Variants in IKZF3 observed in about 807,000 individuals in gnomAD.
The protein encoded by IKZF3 is zinc finger protein Aiolos.
IKZF3 carries 10 observed loss-of-function variants against 49.0 expected under a neutral mutation model. That is an observed-to-expected ratio of 0.20 (90% CI 0.13 to 0.35). The LOEUF is 0.35. Among genes scored for constraint, IKZF3 ranks in the 10% least tolerant of loss-of-function variants. The pLI is 1.00. For synonymous variants in IKZF3, 209 were observed against 228.2 expected, an observed-to-expected ratio of 0.92 and a Z score of 0.76; for missense variants, 498 against 664.8, an observed-to-expected ratio of 0.75 and a Z score of 2.76.
chr17:39,835,250 G>A (rs1379082324), intron 1 of IKZF3: 10 of 541,456 alleles, frequency 1.8e-5, no homozygotes, highest in Non-Finnish European at 2.5e-5. Context: ...TGTAGGTGGC[G>A]ATCTCAATGT....
intron 7 of IKZF3, among the ~76,000 whole-genome samples, chr17:39,769,892 T>C (rs1478012193): frequency 6.6e-6 from 1 of 152,082 alleles, no homozygotes; most frequent in Non-Finnish European, 1.5e-5. Flanking sequence ...AACAGCTGAG[T>C]GCTAAAATTG....
At position 39,864,220 on chromosome 17, in the gene IKZF3, AG is replaced by A; in HGVS notation, c.-95del. The stretch of plus-strand genomic sequence containing the variant: ...CTGGACTCAGCGCGCAGCTGGCGGG[AG>A]ATTCCCGGCGCGGGGAGTCCCCGGG... On this transcript the variant is annotated 5_prime_UTR_variant, in exon 1 of 8. Transcript: ENST00000346872. 1 of 1,460,406 alleles carries A rather than the reference AG, an allele frequency of 6.8e-7. No individual in the cohort carries two copies. Among genetic ancestry groups the A allele is most frequent in the Non-Finnish European group, 9.3e-7 (1 of 1,077,922 alleles). 90.5% of individuals were successfully genotyped at this position (1,460,406 alleles called of 1,614,324 possible).
chr17:39,843,786 GAC>G (rs2062549746), intron 1 of IKZF3, among the ~76,000 whole-genome samples: 1 of 149,242 alleles, frequency 6.7e-6, no homozygotes. Flanking sequence ...CAGCCTGGGC[GAC>G]AGAGTGAGAC....
At chr17:39,791,887 C>CTTTTTTTT (rs1211244204) in intron 4 of IKZF3, among the ~76,000 whole-genome samples, 1 of 126,836 alleles carries the variant, frequency 7.9e-6, no homozygotes, top group African/African-American at 3.1e-5. Flanking sequence ...TTGGTACTCC[C>CTTTTTTTT]TTTTTTTTTT....
At chr17:39,805,704 C>T (rs1230944211) in intron 3 of IKZF3, among the ~76,000 whole-genome samples, 2 of 152,198 alleles carry the variant, frequency 1.3e-5, no homozygotes, top group African/African-American at 2.4e-5. Context: ...TATCTTGTCA[C>T]TGGAACATGT....
chr17:39,834,661 T>C (rs908825946), intron 1 of IKZF3, among the ~76,000 whole-genome samples: 1 of 152,220 alleles, frequency 6.6e-6, no homozygotes, highest in Non-Finnish European at 1.5e-5. Flanking sequence ...GAATGTGCCA[T>C]GTGTAGTTGA....
intron 7 of IKZF3, among the ~76,000 whole-genome samples, chr17:39,767,735 G>A (rs1184967900): frequency 6.6e-6 from 1 of 152,080 alleles, no homozygotes; most frequent in Non-Finnish European, 1.5e-5. Context: ...TGAGAAATAA[G>A]ACCTATATAT....
At chr17:39,857,299 T>C (rs551354176) in intron 1 of IKZF3, among the ~76,000 whole-genome samples, 1 of 152,222 alleles carries the variant, frequency 6.6e-6, no homozygotes, top group Non-Finnish European at 1.5e-5. Context: ...CACAAACTCC[T>C]AGAGGAAATT....
intron 3 of IKZF3, among the ~76,000 whole-genome samples, chr17:39,816,872 C>T (rs2061689545): frequency 6.6e-6 from 1 of 152,162 alleles, no homozygotes; most frequent in Non-Finnish European, 1.5e-5. Context: ...CGCCACCACG[C>T]CCAGCTAATT....
At chr17:39,843,804 C>CT (rs36041042) in intron 1 of IKZF3, among the ~76,000 whole-genome samples, 8,259 of 143,344 alleles carry the variant, frequency 0.058, 367 homozygotes, top group African/African-American at 0.12. Context: ...GAGACTCCGT[C>CT]TTTTAAAAAA....
Position 39,765,767 on chromosome 17 carries a change from G to A in IKZF3, c.*23C>T. 1 of 1,546,726 alleles carries A rather than the reference G, an allele frequency of 6.5e-7. No individual in the cohort carries two copies. ...TTTAGAAACGATGCTGAATACATAG[G>A]AGCAATCCCTGAGACCAGATATTCA... On this transcript the variant is annotated 3_prime_UTR_variant, in exon 8 of 8. Coordinates refer to ENST00000346872, the MANE Select transcript of IKZF3 (RefSeq NM_012481.5).
chr17:39,842,054 AAAAAAC>A (rs1257876327), intron 1 of IKZF3, among the ~76,000 whole-genome samples: 22 of 148,530 alleles, frequency 1.5e-4, no homozygotes, highest in African/African-American at 4.2e-4. Context: ...AAAAAAAAAA[AAAAAAC>A]CAGATAAAAT....
At chr17:39,820,869 A>C (rs957604968) in intron 3 of IKZF3, among the ~76,000 whole-genome samples, 5 of 152,122 alleles carry the variant, frequency 3.3e-5, no homozygotes, top group Admixed American at 3.3e-4. Flanking sequence ...AGGGAGCTGG[A>C]GATTGAGTCC....
At chr17:39,774,733 G>C (rs562996277) in intron 7 of IKZF3, among the ~76,000 whole-genome samples, 17 of 152,244 alleles carry the variant, frequency 1.1e-4, no homozygotes, top group African/African-American at 4.1e-4. Context: ...TATGATGAAT[G>C]AATGGACAAA....
intron 3 of IKZF3, among the ~76,000 whole-genome samples, chr17:39,824,946 C>T (rs1356813874): frequency 4.6e-5 from 7 of 152,136 alleles, no homozygotes; most frequent in South Asian, 2.1e-4. Context: ...CCTCCCGCCT[C>T]GGCCTCCCAA....
In IKZF3 at chr17:39,763,658, C is replaced by T. The variant is rs2060226383; in HGVS notation, c.*2132G>A. On this transcript the variant is annotated 3_prime_UTR_variant, in exon 8 of 8. Transcript: ENST00000346872. ...AAAACTTAACACACCATTTTCATAC[C>T]AAAGGAATGTGAAACATGTATTCAT... 6.6e-6 allele frequency: 1 copy of T among 152,138 alleles called. No individual in the cohort carries two copies. The highest frequency in any genetic ancestry group is 6.5e-5 in the Admixed American group (1 of 15,272). 9.4% of individuals were successfully genotyped at this position (152,138 alleles called of 1,614,324 possible).
At chr17:39,778,600 G>A (rs2060650654) in intron 6 of IKZF3, among the ~76,000 whole-genome samples, 3 of 151,952 alleles carry the variant, frequency 2.0e-5, no homozygotes, top group South Asian at 4.2e-4. Context: ...GTCGGAGTTC[G>A]AGACCAGCCT....
intron 6 of IKZF3, among the ~76,000 whole-genome samples, chr17:39,781,052 C>A (rs1165444594): frequency 6.6e-6 from 1 of 152,128 alleles, no homozygotes. Context: ...CAAAAGTACT[C>A]GACTGACTCT....
chr17:39,760,082 G>A lies in IKZF3; in HGVS notation c.*5708C>T, dbSNP rs1428230531. 1 of 151,868 alleles carries A rather than the reference G, an allele frequency of 6.6e-6. No homozygotes were observed. The highest frequency in any genetic ancestry group is 2.4e-5 in the African/African-American group (1 of 41,302). The allele number at this position is 151,868 out of a possible 1,614,324, so 9.4% of individuals were successfully genotyped here. A position where few individuals can be genotyped will look rare whatever the true frequency, so the allele number is the denominator to read the frequency against. On this transcript the variant is annotated 3_prime_UTR_variant, in exon 8 of 8. Transcript: ENST00000346872. ...CTCAGTGGGGTACTCTTTAAAGTGA[G>A]GACTTAAACATTTCCATTGTGGTCT...
Sources: gnomAD v4.1 joint callset for allele counts (sites outside exome capture counted in the v4.1 genomes callset) on GRCh38, gnomAD v4.1.1 for gene constraint, MANE v1.5 for transcripts, NCBI Gene and HGNC (gene_info 2026-07-23, HGNC 2026-07-21) for gene names.